Variants in NRCAM observed in about 807,000 individuals in gnomAD.
The protein encoded by NRCAM is NgCAM-related cell adhesion molecule.
In NRCAM, 83 loss-of-function variants were observed where a neutral mutation model predicts 156.5. The ratio of observed to expected loss-of-function variants is 0.53; its 90% confidence interval spans 0.44 to 0.64. The LOEUF is 0.64. Among genes scored for constraint, NRCAM ranks in the 30% least tolerant of loss-of-function variants. The pLI is 0.00. For synonymous variants in NRCAM, 538 were observed against 563.9 expected (o/e 0.95, Z 0.65); for missense variants, 1,417 against 1,597.3 (o/e 0.89, Z 1.92).
intron 3 of NRCAM, among the ~76,000 whole-genome samples, chr7:108,298,739 T>C (rs2098507588): frequency 6.6e-6 from 1 of 151,876 alleles, no homozygotes; most frequent in South Asian, 2.1e-4. Flanking sequence ...ATTCTTCTGC[T>C]TGAATCTAAG....
Position 108,194,035 on chromosome 7 carries a change from G to T in NRCAM, c.1767C>A (p.Pro589=). ...VLWLKDNREL[P]SDERFTVDKD... Reference sequence around the variant, plus strand: ...TCGTCTTCAAATACCTTTCATCACTGGGCAGTTCCCTGTTGTCCTTCAGCC... The same window carrying T: ...TCGTCTTCAAATACCTTTCATCACTTGGCAGTTCCCTGTTGTCCTTCAGCC... The change falls in exon 17 of 33, where the codon CCC becomes CCA. Residue 589 remains proline, a synonymous_variant. Transcript: ENST00000379028. 1.9e-6 allele frequency: 3 copies of T among 1,613,840 alleles called. No homozygotes were observed. The highest frequency in any genetic ancestry group is 2.5e-6 in the Non-Finnish European group (3 of 1,179,896).
intron 3 of NRCAM, among the ~76,000 whole-genome samples, chr7:108,242,260 A>AT (rs1191923883): frequency 6.7e-6 from 1 of 149,516 alleles, no homozygotes; most frequent in Middle Eastern, 3.2e-3. Flanking sequence ...CCCCGTCTCA[A>AT]AAAAAAAAAA....
intron 25 of NRCAM, 39 bp downstream of exon 25, chr7:108,180,184 A>G (rs1267702378): frequency 1.9e-6 from 3 of 1,573,182 alleles, no homozygotes. Flanking sequence ...AGGCCATGCC[A>G]TATGTTCCTG....
At chr7:108,403,030 G>A (rs2099797477) in intron 1 of NRCAM, among the ~76,000 whole-genome samples, 1 of 152,194 alleles carries the variant, frequency 6.6e-6, no homozygotes, top group Admixed American at 6.5e-5. Flanking sequence ...AAACAGGGCA[G>A]CTGTGCAGCA....
chr7:108,222,688 G>C (rs1158985979), intron 11 of NRCAM, among the ~76,000 whole-genome samples: 5 of 152,124 alleles, frequency 3.3e-5, no homozygotes, highest in Non-Finnish European at 5.9e-5. Flanking sequence ...GCCTCCACGT[G>C]CCTCCTGAAG....
At chr7:108,342,461 T>C (rs1208062160) in intron 2 of NRCAM, among the ~76,000 whole-genome samples, 2 of 152,172 alleles carry the variant, frequency 1.3e-5, no homozygotes, top group East Asian at 3.8e-4. Flanking sequence ...TACGGCGAAA[T>C]AGCTAGGCCA....
chr7:108,434,759 C>T (rs1830065288), intron 1 of NRCAM, among the ~76,000 whole-genome samples: 1 of 152,090 alleles, frequency 6.6e-6, no homozygotes, highest in South Asian at 2.1e-4. Flanking sequence ...TATGCAGACA[C>T]AGGGGCAAAC....
At position 108,234,126 on chromosome 7, in the gene NRCAM, T is replaced by C. The variant is rs1027741189; in HGVS notation, c.230+457A>G. 6.6e-5 allele frequency among the ~76,000 whole-genome samples: 10 copies of C among 152,310 alleles called. No homozygotes were observed. The East Asian group carries it at 1.9e-3, about 29-fold the overall frequency. ...TGGAAGTCATCAAATTCAATCTCTT[T>C]ATAGATGAGGAAATTAAAGCCCAGA... On this transcript the variant is annotated intron_variant, in intron 6 of 32. Coordinates refer to ENST00000379028, the MANE Select transcript of NRCAM (RefSeq NM_001037132.4).
At chr7:108,153,624 A>C (rs2043059132) in intron 32 of NRCAM, among the ~76,000 whole-genome samples, 1 of 152,142 alleles carries the variant, frequency 6.6e-6, no homozygotes, top group Non-Finnish European at 1.5e-5. Context: ...CTTGATAAGA[A>C]AAAGAAATAG....
At chr7:108,250,514 CAT>C (rs1295221176) in intron 3 of NRCAM, among the ~76,000 whole-genome samples, 1 of 148,136 alleles carries the variant, frequency 6.8e-6, no homozygotes, top group Non-Finnish European at 1.5e-5. Context: ...ACACACATCA[CAT>C]GTTCTCACTT....
intron 3 of NRCAM, among the ~76,000 whole-genome samples, chr7:108,288,094 G>C (rs751043222): frequency 1.2e-4 from 19 of 152,094 alleles, no homozygotes; most frequent in Admixed American, 3.3e-4. Context: ...GCAGCAGAAT[G>C]GATTGAACTA....
At chr7:108,153,428 T>G (rs2042945279) in intron 32 of NRCAM, among the ~76,000 whole-genome samples, 1 of 152,128 alleles carries the variant, frequency 6.6e-6, no homozygotes, top group Non-Finnish European at 1.5e-5. Context: ...ATAGAATGTA[T>G]TTTTATTCCT....
At chr7:108,269,466 G>C (rs1022864558) in intron 3 of NRCAM, among the ~76,000 whole-genome samples, 3 of 152,132 alleles carry the variant, frequency 2.0e-5, no homozygotes, top group Non-Finnish European at 4.4e-5. Flanking sequence ...ATGAGACCAG[G>C]GGTCTGTCTT....
chr7:108,335,710 C>T (rs2099180159), intron 2 of NRCAM, among the ~76,000 whole-genome samples: 1 of 152,148 alleles, frequency 6.6e-6, no homozygotes. Context: ...TCCAGCTGAA[C>T]CACAGAAATC....
At chr7:108,181,095 A>G (rs2063209018) in intron 24 of NRCAM, among the ~76,000 whole-genome samples, 1 of 152,228 alleles carries the variant, frequency 6.6e-6, no homozygotes. Flanking sequence ...TTGGTCACAA[A>G]TCCAGAATTG....
Position 108,229,813 on chromosome 7 carries a change from G to C in NRCAM, c.550+1218C>G, listed in dbSNP as rs74426854. ...TGTACTCCCTCTAAGGTAACACGCT[G>C]ACCTATTGGCACAGGAAATTTTGGA... On this transcript the variant is annotated intron_variant, in intron 8 of 32. Coordinates refer to ENST00000379028, the MANE Select transcript of NRCAM (RefSeq NM_001037132.4). Among the ~76,000 whole-genome samples, 802 of 152,222 alleles carry C rather than the reference G, an allele frequency of 5.3e-3. 6 individuals are homozygous for C. Among genetic ancestry groups the C allele is most frequent in the African/African-American group, 0.018 (762 of 41,532 alleles).
intron 2 of NRCAM, among the ~76,000 whole-genome samples, chr7:108,363,968 G>GA (rs1454501350): frequency 1.3e-5 from 2 of 151,878 alleles, no homozygotes; most frequent in East Asian, 3.9e-4. Flanking sequence ...TGGGACAGAA[G>GA]AAAAAAACAA....
rs2094716140 is a variant in NRCAM, at chr7:108,234,653, T to C, written c.160A>G (p.Lys54Glu). 6.2e-7 allele frequency: 1 copy of C among 1,612,944 alleles called. No individual in the cohort carries two copies. The highest frequency in any genetic ancestry group is 8.5e-7 in the Non-Finnish European group (1 of 1,179,238). Reference protein sequence around the residue: ...QPPTITQQSPKDYIIDPRENI... With the variant: ...QPPTITQQSPEDYIIDPRENI... Reference sequence around the variant, plus strand: ...TCCCGAGGGTCAATAATGTAATCTTTTGGAGACTGTTGGGTGATGGTTGGA... The same window carrying C: ...TCCCGAGGGTCAATAATGTAATCTTCTGGAGACTGTTGGGTGATGGTTGGA... The change falls in exon 6 of 33, where the codon AAA becomes GAA. Residue 54 changes from lysine (K) to glutamate (E), a missense_variant. Lys to Glu is a moderately conservative substitution (Grantham distance 56, BLOSUM62 1). Around this residue, in one of 2 missense-constraint regions of NRCAM, gnomAD observed 1,238 missense variants for 1,336.4 expected, o/e 0.93. Transcript: ENST00000379028.
At chr7:108,305,450 G>T (rs899986107) in intron 3 of NRCAM, among the ~76,000 whole-genome samples, 1 of 152,154 alleles carries the variant, frequency 6.6e-6, no homozygotes, top group East Asian at 1.9e-4. Context: ...CCCAGGGAAC[G>T]AAGCCATTTA....
Sources: gnomAD v4.1 joint callset for allele counts (sites outside exome capture counted in the v4.1 genomes callset) on GRCh38, gnomAD v4.1.1 for gene constraint, gnomAD v4.1.1 regional missense constraint, MANE v1.5 for transcripts, NCBI Gene and HGNC (gene_info 2026-07-23, HGNC 2026-07-21) for gene names.